Variants in SORCS2 observed in about 807,000 individuals in gnomAD.
The protein encoded by SORCS2 is sortilin related VPS10 domain containing receptor 2, also known as VPS10 domain-containing receptor SorCS2.
SORCS2 carries 100 observed loss-of-function variants against 141.6 expected under a neutral mutation model. That is an observed-to-expected ratio of 0.71 (90% CI 0.60 to 0.83). SORCS2 has a LOEUF of 0.83. Ranked by LOEUF, SORCS2 falls within the 40% of genes least tolerant of loss-of-function variation. SORCS2 has a pLI of 0.00. For missense variants in SORCS2, 1,646 were observed against 1,560.2 expected, an observed-to-expected ratio of 1.05 and a Z score of -0.93; for synonymous variants, 789 against 676.9, an observed-to-expected ratio of 1.17 and a Z score of -2.57.
chr4:7,734,477 C>T (rs1711995116), intron 25 of SORCS2, 103 bp downstream of exon 25: 2 of 784,556 alleles, frequency 2.5e-6, no homozygotes, highest in East Asian at 3.0e-5. Flanking sequence ...CCAGCAGGGC[C>T]TCAGAAGGGA....
chr4:7,682,419 C>T (rs1350114711), intron 9 of SORCS2, among the ~76,000 whole-genome samples: 1 of 152,166 alleles, frequency 6.6e-6, no homozygotes, highest in East Asian at 1.9e-4. Context: ...CTCTGAGGGA[C>T]AGGCAGGTCA....
chr4:7,620,176 C>G (rs902340025), intron 3 of SORCS2, among the ~76,000 whole-genome samples: 1 of 152,126 alleles, frequency 6.6e-6, no homozygotes, highest in Non-Finnish European at 1.5e-5. Flanking sequence ...CAGAATGATA[C>G]GGGATTCTTA....
chr4:7,295,490 C>G lies in SORCS2; in HGVS notation c.481-100798C>G, dbSNP rs577607447. On this transcript the variant is annotated intron_variant, in intron 1 of 26. Transcript: ENST00000507866. ...TGGGGAGATGGGGCCGGCAGTGGAGCCTGGCCGTTGGCTCGAGCCGCCCAG... is the reference window on the plus strand; with the variant it reads ...TGGGGAGATGGGGCCGGCAGTGGAGGCTGGCCGTTGGCTCGAGCCGCCCAG... Among the ~76,000 whole-genome samples the G allele has an allele frequency of 8.5e-5, 13 of 152,214 alleles. No individual in the cohort carries two copies. The East Asian group carries it at 2.2e-3, about 25-fold the overall frequency.
chr4:7,279,663 C>T (rs1451850509), intron 1 of SORCS2, among the ~76,000 whole-genome samples: 1 of 152,134 alleles, frequency 6.6e-6, no homozygotes, highest in Non-Finnish European at 1.5e-5. Flanking sequence ...GCGGGAAGTA[C>T]GAGATTGAGT....
chr4:7,353,863 C>T (rs1009383757), intron 1 of SORCS2, among the ~76,000 whole-genome samples: 5 of 152,166 alleles, frequency 3.3e-5, no homozygotes, highest in Non-Finnish European at 7.3e-5. Context: ...AAGCTCAGCA[C>T]CGGTGAAGGT....
At position 7,567,440 on chromosome 4, in the gene SORCS2, GT is replaced by G. The variant is rs373930330; in HGVS notation, c.648+35817del. The stretch of plus-strand genomic sequence containing the variant: ...CATTTTTGAAGAGTGCTGGTCAGGT[GT>G]TTTTTAAAGAATGTTCCTCTGTTGG... On this transcript the variant is annotated intron_variant, in intron 3 of 26. Transcript: ENST00000507866. Among the ~76,000 whole-genome samples, 35 of 151,938 alleles carry G rather than the reference GT, an allele frequency of 2.3e-4. No homozygotes were observed. In the South Asian group the frequency reaches 7.1e-3, roughly 31 times the overall value.
chr4:7,647,158 C>A (rs970876758), intron 4 of SORCS2, among the ~76,000 whole-genome samples: 2 of 152,126 alleles, frequency 1.3e-5, no homozygotes, highest in Non-Finnish European at 2.9e-5. Context: ...GGTGAGAGAG[C>A]AAAATGACCC....
chr4:7,527,649 T>C (rs59063136), intron 2 of SORCS2, among the ~76,000 whole-genome samples: 4,447 of 152,248 alleles, frequency 0.029, 221 homozygotes, highest in African/African-American at 0.1. Flanking sequence ...CTGCTGAGTC[T>C]GTGGGCCTTT....
intron 2 of SORCS2, among the ~76,000 whole-genome samples, chr4:7,457,589 G>T (rs984400902): frequency 8.6e-5 from 13 of 151,526 alleles, no homozygotes; most frequent in African/African-American, 3.2e-4. Flanking sequence ...AGAGGGCCTG[G>T]TTCACACCAG....
chr4:7,454,157 G>A (rs1728695180), intron 2 of SORCS2, among the ~76,000 whole-genome samples: 2 of 129,906 alleles, frequency 1.5e-5, no homozygotes, highest in Admixed American at 7.7e-5. Flanking sequence ...TTGGGGTCAG[G>A]TGCTGTGTGT....
At chr4:7,452,344 A>G (rs1480692068) in intron 2 of SORCS2, among the ~76,000 whole-genome samples, 1 of 151,830 alleles carries the variant, frequency 6.6e-6, no homozygotes, top group African/African-American at 2.4e-5. Flanking sequence ...GTTTCACCAC[A>G]TTGGCCAGGC....
chr4:7,678,746 C>T lies in SORCS2; in HGVS notation c.1341+2517C>T, dbSNP rs1723324091. 1.3e-5 allele frequency among the ~76,000 whole-genome samples: 2 copies of T among 150,574 alleles called. 1 individual carries two copies. The highest frequency in any genetic ancestry group is 4.9e-5 in the African/African-American group (2 of 40,806). The stretch of plus-strand genomic sequence containing the variant: ...GGTGCCCTCCCAAGGGATGTCCCTT[C>T]TCTGAAAACCATCAAACATGGGTCA... On this transcript the variant is annotated intron_variant, in intron 9 of 26. Transcript: ENST00000507866.
At chr4:7,242,242 C>T (rs2108792474) in intron 1 of SORCS2, among the ~76,000 whole-genome samples, 1 of 152,250 alleles carries the variant, frequency 6.6e-6, no homozygotes, top group African/African-American at 2.4e-5. Flanking sequence ...TTCTGTCATC[C>T]AAGAGTGCAG....
At chr4:7,331,456 C>T (rs1330359597) in intron 1 of SORCS2, among the ~76,000 whole-genome samples, 2 of 152,040 alleles carry the variant, frequency 1.3e-5, no homozygotes, top group Non-Finnish European at 1.5e-5. Flanking sequence ...AGTACCCACG[C>T]GGGAAGGAGG....
At chr4:7,667,338 GC>G in intron 8 of SORCS2, 125 bp downstream of exon 8, 1 of 829,970 alleles carries the variant, frequency 1.2e-6, no homozygotes, top group Non-Finnish European at 2.0e-6. Flanking sequence ...GAACAGTGTG[GC>G]CACGCTTCGT....
intron 3 of SORCS2, among the ~76,000 whole-genome samples, chr4:7,585,866 T>G (rs532472922): frequency 6.6e-6 from 1 of 152,346 alleles, no homozygotes; most frequent in South Asian, 2.1e-4. Flanking sequence ...GATTTCTGAG[T>G]CATCTCTCTT....
chr4:7,401,622 C>T (rs113585380), intron 2 of SORCS2, among the ~76,000 whole-genome samples: 1,797 of 152,302 alleles, frequency 0.012, 18 homozygotes, highest in Non-Finnish European at 0.019. Flanking sequence ...CCTTGCTTCA[C>T]ACTGAGCACG....
At chr4:7,722,913 T>TGCCGGA (rs1726690825) in intron 18 of SORCS2, among the ~76,000 whole-genome samples, 2 of 152,106 alleles carry the variant, frequency 1.3e-5, no homozygotes, top group African/African-American at 4.8e-5. Flanking sequence ...TAGGAAACGG[T>TGCCGGA]TTCCTCGTGC....
intron 17 of SORCS2, among the ~76,000 whole-genome samples, chr4:7,716,081 T>C (rs564861578): frequency 2.7e-5 from 4 of 147,314 alleles, no homozygotes; most frequent in South Asian, 2.1e-4. Context: ...ATTCAATTCA[T>C]GTAAAATGTT....
Sources: gnomAD v4.1 joint callset for allele counts (sites outside exome capture counted in the v4.1 genomes callset) on GRCh38, gnomAD v4.1.1 for gene constraint, MANE v1.5 for transcripts, NCBI Gene and HGNC (gene_info 2026-07-23, HGNC 2026-07-21) for gene names.